SDHA: variants seen among roughly 807,000 people sequenced by gnomAD.
SDHA encodes succinate dehydrogenase [ubiquinone] flavoprotein subunit, mitochondrial.
A neutral mutation model predicts 78.4 loss-of-function variants in SDHA; 48 were observed. The observed-to-expected ratio is 0.61, with a 90% CI of 0.49 to 0.78. SDHA has a LOEUF of 0.78. SDHA is among the 30% of genes least tolerant of loss of function. The pLI is 0.00. For synonymous variants in SDHA, 326 were observed against 353.9 expected (o/e 0.92, Z 0.88); for missense variants, 680 against 892.7 (o/e 0.76, Z 3.04).
the SDHA span, among the ~76,000 whole-genome samples, chr5:264,460 T>C: frequency 1.3e-5 from 2 of 152,330 alleles, no homozygotes; most frequent in African/African-American, 2.4e-5. Flanking sequence ...CCCGTGCTCA[T>C]TGTGGGAGCT....
the SDHA span, among the ~76,000 whole-genome samples, chr5:267,172 G>T: frequency 2.0e-5 from 3 of 152,202 alleles, no homozygotes. Flanking sequence ...AATTAAAAGT[G>T]GTAAGTCATT....
At chr5:244,830 A>G (rs939582650) in intron 11 of SDHA, among the ~76,000 whole-genome samples, 3 of 152,218 alleles carry the variant, frequency 2.0e-5, no homozygotes, top group African/African-American at 7.2e-5. Context: ...TATTACAACG[A>G]TGGGGAGCAC....
At chr5:222,862 G>C (rs1042931610) in intron 1 of SDHA, among the ~76,000 whole-genome samples, 5 of 152,212 alleles carry the variant, frequency 3.3e-5, no homozygotes, top group Non-Finnish European at 5.9e-5. Context: ...TCAAGTTGTA[G>C]ATGTTGGCCA....
intron 11 of SDHA, among the ~76,000 whole-genome samples, chr5:248,010 G>A (rs1169209235): frequency 6.6e-6 from 1 of 152,066 alleles, no homozygotes; most frequent in Non-Finnish European, 1.5e-5. Context: ...AATTTTTTGA[G>A]CCTGCCTAAA....
At chr5:228,372 T>G (rs368099030) in intron 6 of SDHA, 39 bp downstream of exon 6, 2 of 1,581,778 alleles carry the variant, frequency 1.3e-6, no homozygotes, top group South Asian at 1.1e-5. Context: ...TTTATAAAAA[T>G]GAATAAATTT....
At chr5:243,526 G>A (rs549501593) in intron 11 of SDHA, among the ~76,000 whole-genome samples, 31 of 152,256 alleles carry the variant, frequency 2.0e-4, no homozygotes, top group Non-Finnish European at 3.8e-4. Flanking sequence ...GGATGATGCC[G>A]TAGAACAGCT....
At position 225,975 on chromosome 5, in the gene SDHA, C is replaced by T. The variant is rs61733344; in HGVS notation, c.549C>T (p.Gly183=). 1.9e-3 allele frequency: 3,129 copies of T among 1,614,096 alleles called. 29 individuals carry two copies. In the African/African-American group the frequency reaches 0.026, roughly 13 times the overall value. Residue 183 remains glycine, a synonymous_variant, in exon 5 of 15, where the codon GGC becomes GGT. Coordinates refer to ENST00000264932, the MANE Select transcript of SDHA (RefSeq NM_004168.4). ...GACAGAGCCTCAAGTTTGGAAAGGGCGGGCAGGCCCATCGGTGCTGCTGTG... is the reference window on the plus strand; with the variant it reads ...GACAGAGCCTCAAGTTTGGAAAGGGTGGGCAGGCCCATCGGTGCTGCTGTG... ...FGGQSLKFGK[G]GQAHRCCCVA...
At chr5:226,178 G>A in intron 5 of SDHA, 131 bp downstream of exon 5, 1 of 1,033,744 alleles carries the variant, frequency 9.7e-7, no homozygotes, top group Non-Finnish European at 1.5e-6. Flanking sequence ...CAGCAGCGTG[G>A]GGCGCATGCA....
At chr5:266,842 C>T in the SDHA span, among the ~76,000 whole-genome samples, 1 of 152,112 alleles carries the variant, frequency 6.6e-6, no homozygotes, top group South Asian at 2.1e-4. Flanking sequence ...ATATTCAGAC[C>T]CTCGCCGTCC....
chr5:228,507 G>A (rs991109708), intron 6 of SDHA, among the ~76,000 whole-genome samples, 174 bp downstream of exon 6: 5 of 152,204 alleles, frequency 3.3e-5, no homozygotes, highest in Non-Finnish European at 7.3e-5. Flanking sequence ...CCTGTAAAGG[G>A]TGAGGACAGG....
intron 11 of SDHA, 185 bp from the exon 12 acceptor site, chr5:250,807 A>T: frequency 1.6e-6 from 1 of 614,002 alleles, no homozygotes; most frequent in Non-Finnish European, 3.0e-6. Context: ...TTTATTCAGA[A>T]GCTTTAGTCA....
At chr5:228,100 T>G in intron 5 of SDHA, 85 bp from the exon 6 acceptor site, 2 of 1,351,246 alleles carry the variant, frequency 1.5e-6, no homozygotes, top group Non-Finnish European at 2.1e-6. Context: ...TCAAGTTCTT[T>G]CACCTATTCA....
intron 6 of SDHA, among the ~76,000 whole-genome samples, chr5:230,618 C>T (rs1735335429): frequency 6.7e-6 from 1 of 148,410 alleles, no homozygotes; most frequent in Non-Finnish European, 1.5e-5. Context: ...AGAGTTAGAT[C>T]CTATCTCAAA....
Position 224,583 on chromosome 5 carries a change from T to C in SDHA, c.312+62T>C. 1.9e-6 allele frequency: 3 copies of C among 1,572,692 alleles called. No individual in the cohort carries two copies. In the South Asian group the frequency reaches 3.3e-5, roughly 17 times the overall value. On this transcript the variant is annotated intron_variant, in intron 3 of 14. Coordinates refer to ENST00000264932, the MANE Select transcript of SDHA (RefSeq NM_004168.4). Reference sequence around the variant, plus strand: ...GCAGGTCCCGCGCAGCCTCGCACTTTCTACCTGGGCAGCCCCCTGCCTCCT... The same window carrying C: ...GCAGGTCCCGCGCAGCCTCGCACTTCCTACCTGGGCAGCCCCCTGCCTCCT...
At position 247,702 on chromosome 5, in the gene SDHA, C is replaced by A. The variant is rs1305789272; in HGVS notation, c.1552-3290C>A. ...TGTGTGGACACCTTTTCACTTTGGG[C>A]TGCATGCCAATCAGGAGAGTCTTCT... On this transcript the variant is annotated intron_variant, in intron 11 of 14. Coordinates refer to ENST00000264932, the MANE Select transcript of SDHA (RefSeq NM_004168.4). Among the ~76,000 whole-genome samples the A allele has an allele frequency of 2.0e-5, 3 of 152,228 alleles. No individual in the cohort carries two copies. In the East Asian group the frequency reaches 5.8e-4, roughly 29 times the overall value.
chr5:228,103 C>T (rs1363981611), intron 5 of SDHA, 82 bp from the exon 6 acceptor site: 13 of 1,375,688 alleles, frequency 9.4e-6, no homozygotes, highest in Non-Finnish European at 1.0e-5. Flanking sequence ...AGTTCTTTCA[C>T]CTATTCACAT....
At chr5:257,100 GTT>G (rs1329731003), downstream of SDHA, among the ~76,000 whole-genome samples, 31 of 152,268 alleles carry the variant, frequency 2.0e-4, no homozygotes, top group Middle Eastern at 3.4e-3. Context: ...TGGCCTTGTA[GTT>G]TATTTCTAAG....
chr5:225,804 CT>C, intron 4 of SDHA, 78 bp from the exon 5 acceptor site: 1 of 1,565,852 alleles, frequency 6.4e-7, no homozygotes, highest in Non-Finnish European at 8.8e-7. Context: ...TTGTGTTAAA[CT>C]TGTTTAGTGT....
intron 10 of SDHA, 71 bp from the exon 11 acceptor site, chr5:240,287 T>G (rs1363631889): frequency 1.1e-5 from 10 of 930,386 alleles, no homozygotes; most frequent in African/African-American, 9.8e-5. Flanking sequence ...CATGTTTGTG[T>G]GTCATTCTAA....
Sources: allele counts gnomAD v4.1 joint callset (sites outside exome capture counted in the v4.1 genomes callset), GRCh38; gene constraint gnomAD v4.1.1; transcripts MANE v1.5; gene names NCBI Gene and HGNC (gene_info 2026-07-23, HGNC 2026-07-21).